MCC: variants seen among roughly 807,000 people sequenced by gnomAD.
MCC encodes the protein MCC regulator of Wnt signaling pathway.
MCC carries 90 observed loss-of-function variants against 116.2 expected under a neutral mutation model. That is an observed-to-expected ratio of 0.77 (90% CI 0.65 to 0.92). The LOEUF (loss-of-function observed/expected upper bound fraction) is 0.92. Ranked by LOEUF, MCC falls within the 40% of genes least tolerant of loss-of-function variation. The pLI, the probability that MCC is intolerant of heterozygous loss-of-function variation, is 0.00. For missense variants in MCC, 1,516 were observed against 1,312.2 expected (o/e 1.16, Z -2.40); for synonymous variants, 578 against 510.5 (o/e 1.13, Z -1.78).
At chr5:113,257,576 G>A (rs1765065729) in intron 3 of MCC, among the ~76,000 whole-genome samples, 1 of 152,120 alleles carries the variant, frequency 6.6e-6, no homozygotes. Context: ...AGTGGGTTGA[G>A]AAGGGAAAGA....
At chr5:113,393,380 T>G (rs1645236743) in intron 1 of MCC, among the ~76,000 whole-genome samples, 1 of 152,214 alleles carries the variant, frequency 6.6e-6, no homozygotes, top group South Asian at 2.1e-4. Flanking sequence ...GGGAAAATGT[T>G]TAAAATAATG....
In MCC at chr5:113,340,408, C is replaced by T. The variant is rs1767979915; in HGVS notation, c.627+111G>A. 4.4e-6 allele frequency: 4 copies of T among 909,448 alleles called. No homozygotes were observed. The South Asian group carries it at 4.8e-5, about 11-fold the overall frequency. 56.3% of individuals were successfully genotyped at this position (909,448 alleles called of 1,614,324 possible). On this transcript the variant is annotated intron_variant, in intron 3 of 18. Coordinates refer to ENST00000408903, the MANE Select transcript of MCC (RefSeq NM_001085377.2). ...ATGCTGGAAATGGTACAATATTTAC[C>T]GCAATAAAGAAGACAATACCCGATA...
At chr5:113,078,002 T>C (rs1227460766) in intron 11 of MCC, among the ~76,000 whole-genome samples, 3 of 152,138 alleles carry the variant, frequency 2.0e-5, no homozygotes, top group Non-Finnish European at 4.4e-5. Flanking sequence ...AAATACAAAC[T>C]ACCATCAGAG....
intron 8 of MCC, among the ~76,000 whole-genome samples, chr5:113,097,898 C>T (rs776667155): frequency 6.6e-6 from 1 of 152,156 alleles, no homozygotes; most frequent in Non-Finnish European, 1.5e-5. Context: ...AAACCAGAAG[C>T]CAGACCCCCA....
chr5:113,153,787 T>A (rs1760019317), intron 3 of MCC, among the ~76,000 whole-genome samples: 1 of 152,230 alleles, frequency 6.6e-6, no homozygotes, highest in Non-Finnish European at 1.5e-5. Context: ...GACTGTCTCA[T>A]GTGTCATCAT....
At chr5:113,063,839 G>T in intron 14 of MCC, 145 bp downstream of exon 14, 4 of 774,390 alleles carry the variant, frequency 5.2e-6, no homozygotes, top group Non-Finnish European at 7.9e-6. Context: ...ACTCCTTTTT[G>T]GATGGAGCAG....
intron 1 of MCC, among the ~76,000 whole-genome samples, chr5:113,454,736 A>G (rs1008809912): frequency 2.6e-5 from 4 of 152,214 alleles, no homozygotes; most frequent in Non-Finnish European, 4.4e-5. Flanking sequence ...TAGAAAAATC[A>G]TATTATATAT....
chr5:113,047,712 G>A (rs1752188523), intron 16 of MCC, among the ~76,000 whole-genome samples: 1 of 152,040 alleles, frequency 6.6e-6, no homozygotes, highest in African/African-American at 2.4e-5. Context: ...AAAATATGAT[G>A]CACAGAATAT....
intron 8 of MCC, among the ~76,000 whole-genome samples, chr5:113,091,332 C>G (rs1477755589): frequency 6.6e-6 from 1 of 152,166 alleles, no homozygotes; most frequent in Non-Finnish European, 1.5e-5. Flanking sequence ...GAACAGGAGA[C>G]TTAGGCTTCC....
intron 2 of MCC, among the ~76,000 whole-genome samples, chr5:113,378,735 T>G (rs990720916): frequency 6.6e-6 from 1 of 152,156 alleles, no homozygotes; most frequent in Non-Finnish European, 1.5e-5. Flanking sequence ...TTCACATAAT[T>G]CACATGTTTG....
At chr5:113,184,427 T>C (rs1190275226) in intron 3 of MCC, among the ~76,000 whole-genome samples, 4 of 151,918 alleles carry the variant, frequency 2.6e-5, no homozygotes, top group Admixed American at 1.3e-4. Flanking sequence ...TGCTGATCTA[T>C]GGAATAGCAC....
chr5:113,277,035 G>A (rs185262772), intron 3 of MCC, among the ~76,000 whole-genome samples: 3 of 151,908 alleles, frequency 2.0e-5, no homozygotes, highest in African/African-American at 7.2e-5. Context: ...TCCCTTTAAA[G>A]AAATCTTTAT....
intron 3 of MCC, among the ~76,000 whole-genome samples, chr5:113,201,494 C>T (rs1439846717): frequency 1.3e-5 from 2 of 151,956 alleles, no homozygotes; most frequent in East Asian, 3.9e-4. Flanking sequence ...TAATCCATGG[C>T]TCCTTCTTGG....
At chr5:113,058,192 G>A (rs1034251264) in intron 14 of MCC, among the ~76,000 whole-genome samples, 3 of 152,144 alleles carry the variant, frequency 2.0e-5, no homozygotes, top group African/African-American at 7.2e-5. Context: ...AACACTTTTT[G>A]TTGACTTTCA....
intron 1 of MCC, among the ~76,000 whole-genome samples, chr5:113,417,107 C>G (rs1053412830): frequency 6.6e-6 from 1 of 151,728 alleles, no homozygotes; most frequent in African/African-American, 2.4e-5. Context: ...GTAGCTGGGA[C>G]TACAGACGCA....
At chr5:113,049,768 A>G (rs1403817461) in intron 15 of MCC, among the ~76,000 whole-genome samples, 1 of 152,152 alleles carries the variant, frequency 6.6e-6, no homozygotes, top group Non-Finnish European at 1.5e-5. Flanking sequence ...CCACATGTTT[A>G]ATCACACCCA....
At chr5:113,358,649 A>T (rs1386894695) in intron 2 of MCC, among the ~76,000 whole-genome samples, 1 of 152,134 alleles carries the variant, frequency 6.6e-6, no homozygotes, top group Non-Finnish European at 1.5e-5. Context: ...CTTTCAATAT[A>T]CCAGAAGCAG....
intron 3 of MCC, among the ~76,000 whole-genome samples, chr5:113,296,117 A>C (rs907676823): frequency 3.2e-4 from 49 of 152,328 alleles, no homozygotes; most frequent in African/African-American, 1.2e-3. Flanking sequence ...TTTCTAGAGC[A>C]CTGGGTCCCA....
At chr5:113,331,128 G>A (rs1363440839) in intron 3 of MCC, among the ~76,000 whole-genome samples, 1 of 152,228 alleles carries the variant, frequency 6.6e-6, no homozygotes, top group African/African-American at 2.4e-5. Flanking sequence ...CTTAGATGCT[G>A]AACTGTGGAG....
Sources: gnomAD v4.1 joint callset for allele counts (sites outside exome capture counted in the v4.1 genomes callset) on GRCh38, gnomAD v4.1.1 for gene constraint, MANE v1.5 for transcripts, NCBI Gene and HGNC (gene_info 2026-07-23, HGNC 2026-07-21) for gene names.